The following NAV1 variants were observed in gnomAD, a reference collection of about 807,000 sequenced individuals.
NAV1 encodes the protein neuron navigator 1, also known as pore membrane and/or filament interacting like protein 3.
NAV1 carries 18 observed loss-of-function variants against 175.2 expected under a neutral mutation model. The observed-to-expected ratio is 0.10, with a 90% confidence interval of 0.07 to 0.15. The LOEUF is 0.15. Among genes scored for constraint, NAV1 ranks in the 10% least tolerant of loss-of-function variants. The pLI, the probability that NAV1 is intolerant of heterozygous loss-of-function variation, is 1.00. For missense variants in NAV1, 1,731 were observed against 2,436.6 expected (o/e 0.71, Z 6.10); for synonymous variants, 897 against 978.7 (o/e 0.92, Z 1.56).
Position 201,694,240 on chromosome 1 carries a change from C to A in NAV1, c.758-18577C>A, listed in dbSNP as rs1287633941. On this transcript the variant is annotated intron_variant, in intron 1 of 29. Coordinates refer to ENST00000367296, the Ensembl canonical transcript of NAV1. This position sits in a 1 kb window ranked among gnomAD's most constrained non-coding sequence, Gnocchi z 4.2. Reference sequence around the variant, plus strand: ...CATCACAGTCATCACTGAGAACTCCCCCAGTTGGGGTGTAGAGGCATAGGG... The same window carrying A: ...CATCACAGTCATCACTGAGAACTCCACCAGTTGGGGTGTAGAGGCATAGGG... Among the ~76,000 whole-genome samples the A allele has an allele frequency of 6.6e-6, 1 of 152,192 alleles. No individual in the cohort carries two copies. The highest frequency in any genetic ancestry group is 2.4e-5 in the African/African-American group (1 of 41,440).
intron 2 of NAV1, among the ~76,000 whole-genome samples, chr1:201,594,595 G>A (rs1321271048): frequency 6.6e-6 from 1 of 152,230 alleles, no homozygotes; most frequent in African/African-American, 2.4e-5. Flanking sequence ...AAAAGGATGG[G>A]GAGAGGAGGA....
intron 6 of NAV1, among the ~76,000 whole-genome samples, 160 bp from the exon 11 acceptor site, chr1:201,783,246 A>G (rs1279769329): frequency 6.6e-6 from 1 of 152,224 alleles, no homozygotes; most frequent in Non-Finnish European, 1.5e-5. Flanking sequence ...CAAGTTGGGT[A>G]TCAGATTTCC....
At chr1:201,809,327 C>A in intron 21 of NAV1, 66 bp downstream of exon 25, 1 of 1,596,762 alleles carries the variant, frequency 6.3e-7, no homozygotes, top group Non-Finnish European at 8.6e-7. Context: ...CCAAGAAAAT[C>A]TGGACCCTGG....
exon 30 of NAV1, chr1:201,821,551 C>CACA (rs1491448398): frequency 4.3e-5 from 6 of 139,002 alleles, no homozygotes; most frequent in East Asian, 4.0e-4. Flanking sequence ...CACACACACA[C>CACA]AAGACCTGGG....
At chr1:201,736,957 G>C (rs1673139681) in intron 3 of NAV1, among the ~76,000 whole-genome samples, 1 of 151,614 alleles carries the variant, frequency 6.6e-6, no homozygotes, top group Admixed American at 6.6e-5. Context: ...GTCATGCTCA[G>C]AGTCACCCCT....
At chr1:201,594,836 G>GC (rs1167606520) in intron 2 of NAV1, among the ~76,000 whole-genome samples, 6 of 152,216 alleles carry the variant, frequency 3.9e-5, no homozygotes, top group Admixed American at 2.6e-4. Context: ...ACCTGCTGAA[G>GC]CCCCCTCGCT....
intron 2 of NAV1, among the ~76,000 whole-genome samples, chr1:201,639,222 T>TG (rs1346715489): frequency 1.3e-5 from 2 of 151,808 alleles, no homozygotes; most frequent in Non-Finnish European, 2.9e-5. Flanking sequence ...GAAGCCAGAG[T>TG]GGGGAAGGGC....
At chr1:201,754,906 G>A (rs1279240227) in intron 3 of NAV1, among the ~76,000 whole-genome samples, 2 of 152,112 alleles carry the variant, frequency 1.3e-5, no homozygotes, top group Non-Finnish European at 2.9e-5. Flanking sequence ...TACATAATTT[G>A]TCTCAAACAA....
In NAV1 at chr1:201,812,111, G is replaced by T. The variant is rs1018413403; in HGVS notation, c.5024+137G>T. The T allele has an allele frequency of 2.3e-6, 2 of 854,940 alleles. No homozygotes were observed. The highest frequency in any genetic ancestry group is 1.7e-5 in the African/African-American group (1 of 59,430). The allele number at this position is 854,940 out of a possible 1,614,324, so 53.0% of individuals were successfully genotyped here. A position where few individuals can be genotyped will look rare whatever the true frequency, so the allele number is the denominator to read the frequency against. On this transcript the variant is annotated intron_variant, in intron 26 of 29. Coordinates refer to ENST00000367296, the Ensembl canonical transcript of NAV1. This position sits in a 1 kb window ranked among gnomAD's most constrained non-coding sequence, Gnocchi z 4.6. Reference sequence around the variant, plus strand: ...TTTGGGCTGGAAATAGAAAGTAGATGTATTTGTCATGTCAGTTACAAGGTG... The same window carrying T: ...TTTGGGCTGGAAATAGAAAGTAGATTTATTTGTCATGTCAGTTACAAGGTG...
chr1:201,616,993 A>G (rs1290943016), intron 2 of NAV1, among the ~76,000 whole-genome samples: 9 of 152,160 alleles, frequency 5.9e-5, no homozygotes, highest in Non-Finnish European at 1.3e-4. Flanking sequence ...ATCCCTTTGT[A>G]AGTGCAATGT....
At chr1:201,728,491 G>C (rs1193711930) in intron 3 of NAV1, among the ~76,000 whole-genome samples, 1 of 151,824 alleles carries the variant, frequency 6.6e-6, no homozygotes, top group Non-Finnish European at 1.5e-5. Flanking sequence ...CTCCTTGGGA[G>C]GCTGAGGTAG....
In NAV1 at chr1:201,788,751, C is replaced by G. The variant is rs1198313164; in HGVS notation, c.3166+113C>G. On this transcript the variant is annotated intron_variant, in intron 10 of 29. Coordinates refer to ENST00000367296, the Ensembl canonical transcript of NAV1. This position sits in a 1 kb window ranked among gnomAD's most constrained non-coding sequence, Gnocchi z 5.7. ...CCACACACATATATGATTCACAGAA[C>G]ATCAAGTTGGGCCATTTCAGTTTTT... is the stretch of plus-strand genomic sequence containing the variant. 2.3e-6 allele frequency: 3 copies of G among 1,276,924 alleles called. No individual in the cohort carries two copies. In the African/African-American group the frequency reaches 4.5e-5, roughly 19 times the overall value. 79.1% of individuals were successfully genotyped at this position (1,276,924 alleles called of 1,614,324 possible).
In NAV1 at chr1:201,677,085, C is replaced by G. The variant is rs150257795; in HGVS notation, c.757+27660C>G. Among the ~76,000 whole-genome samples, 59 of 152,032 alleles carry G rather than the reference C, an allele frequency of 3.9e-4. 1 individual carries two copies. In the East Asian group the frequency reaches 0.011, roughly 27 times the overall value. ...TGGCCAACATGGTGAAACCCTGTCT[C>G]TATTAAAAATACAAACATTATCTGG... On this transcript the variant is annotated intron_variant, in intron 1 of 29. Coordinates refer to ENST00000367296, the Ensembl canonical transcript of NAV1.
At chr1:201,713,831 A>G (rs1437669981) in intron 2 of NAV1, among the ~76,000 whole-genome samples, 1 of 152,198 alleles carries the variant, frequency 6.6e-6, no homozygotes, top group Non-Finnish European at 1.5e-5. Context: ...ACACAGGGGC[A>G]GTGGAAAAGG....
chr1:201,550,769 A>G (rs1328777541), intron 1 of NAV1, among the ~76,000 whole-genome samples: 1 of 152,214 alleles, frequency 6.6e-6, no homozygotes, highest in East Asian at 1.9e-4. Context: ...TCGGCTCTGC[A>G]CTTTCTGTCC....
At chr1:201,765,169 T>C (rs116635481) in intron 3 of NAV1, among the ~76,000 whole-genome samples, 99 of 152,288 alleles carry the variant, frequency 6.5e-4, no homozygotes, top group African/African-American at 2.4e-3. Flanking sequence ...GGGTGGCCTT[T>C]TATATTCTTG....
At chr1:201,729,309 C>T (rs1167299670) in intron 3 of NAV1, among the ~76,000 whole-genome samples, 1 of 152,154 alleles carries the variant, frequency 6.6e-6, no homozygotes, top group Non-Finnish European at 1.5e-5. Flanking sequence ...ACGAATACGG[C>T]AATAGTATTG....
chr1:201,749,400 A>C (rs963912576), intron 3 of NAV1, among the ~76,000 whole-genome samples: 1 of 152,228 alleles, frequency 6.6e-6, no homozygotes, highest in Non-Finnish European at 1.5e-5. Flanking sequence ...TTGTCTTTCC[A>C]AAATGGTTCT....
intron 2 of NAV1, among the ~76,000 whole-genome samples, chr1:201,633,130 G>A (rs1333688227): frequency 6.6e-6 from 1 of 152,184 alleles, no homozygotes; most frequent in Non-Finnish European, 1.5e-5. Flanking sequence ...GGAGAGATGA[G>A]ACTCAGAGAA....
Sources: gnomAD v4.1 joint callset for allele counts (sites outside exome capture counted in the v4.1 genomes callset) on GRCh38, gnomAD v4.1.1 for gene constraint, Gnocchi (gnomAD v3.1) non-coding constraint, MANE v1.5 for transcripts, NCBI Gene and HGNC (gene_info 2026-07-23, HGNC 2026-07-21) for gene names.